Variants in RARB observed in about 807,000 individuals in gnomAD.
RARB encodes HBV-activated protein.
A neutral mutation model predicts 51.9 loss-of-function variants in RARB; 17 were observed. That is an observed-to-expected ratio of 0.33 (90% CI 0.22 to 0.49). The LOEUF (loss-of-function observed/expected upper bound fraction) is 0.49, where lower values mean the gene tolerates loss of function less well. Among genes scored for constraint, RARB ranks in the 20% least tolerant of loss-of-function variants. RARB has a pLI of 0.99. For missense variants in RARB, 369 were observed against 550.8 expected (o/e 0.67, Z 3.30); for synonymous variants, 215 against 195.4 (o/e 1.10, Z -0.84).
chr3:25,105,922 A>T (rs1413888440), intron 3 of RARB, among the ~76,000 whole-genome samples: 1 of 152,176 alleles, frequency 6.6e-6, no homozygotes, highest in Non-Finnish European at 1.5e-5. Context: ...ATGTAATCTA[A>T]ATGCAACCTC....
chr3:25,104,400 T>TG (rs2125322504), intron 3 of RARB, among the ~76,000 whole-genome samples: 1 of 151,868 alleles, frequency 6.6e-6, no homozygotes, highest in South Asian at 2.1e-4. Flanking sequence ...GGGATGGGGG[T>TG]GGAGGGAGAG....
At chr3:25,314,242 T>G (rs1055687204) in intron 5 of RARB, among the ~76,000 whole-genome samples, 1 of 151,762 alleles carries the variant, frequency 6.6e-6, no homozygotes, top group Admixed American at 6.6e-5. Context: ...TTCCTAGAAT[T>G]TTTAGCTTCA....
At chr3:25,256,903 C>T (rs1702880070) in intron 5 of RARB, among the ~76,000 whole-genome samples, 1 of 152,010 alleles carries the variant, frequency 6.6e-6, no homozygotes, top group Admixed American at 6.6e-5. Context: ...TCTGTCTCAG[C>T]GTCTTCTCAT....
At chr3:25,161,506 A>T (rs1700472665) in intron 4 of RARB, among the ~76,000 whole-genome samples, 1 of 152,018 alleles carries the variant, frequency 6.6e-6, no homozygotes, top group Admixed American at 6.6e-5. Context: ...ATGTCCTTTT[A>T]ATGTTAATGT....
At chr3:25,146,302 G>C (rs567664738) in intron 4 of RARB, among the ~76,000 whole-genome samples, 30 of 152,248 alleles carry the variant, frequency 2.0e-4, no homozygotes, top group Non-Finnish European at 3.8e-4. Context: ...GAATGGGCCA[G>C]ATAGTAAATA....
At chr3:25,242,198 G>T (rs1702449047) in intron 5 of RARB, among the ~76,000 whole-genome samples, 2 of 152,028 alleles carry the variant, frequency 1.3e-5, no homozygotes, top group Non-Finnish European at 2.9e-5. Flanking sequence ...GTAGATTCTG[G>T]ATATTAGCCC....
At chr3:25,321,087 T>G (rs1392479539) in intron 5 of RARB, among the ~76,000 whole-genome samples, 2 of 152,222 alleles carry the variant, frequency 1.3e-5, no homozygotes, top group African/African-American at 4.8e-5. Flanking sequence ...TGGAACTCTG[T>G]GTTTAACAAG....
At chr3:25,508,569 A>T (rs946686607) in intron 3 of RARB, among the ~76,000 whole-genome samples, 1 of 152,210 alleles carries the variant, frequency 6.6e-6, no homozygotes, top group Non-Finnish European at 1.5e-5. Context: ...GGGAAATTAC[A>T]TAAAAATCAT....
intron 2 of RARB, among the ~76,000 whole-genome samples, chr3:24,983,364 A>ATATT (rs752247162): frequency 6.7e-4 from 101 of 150,420 alleles, no homozygotes; most frequent in Non-Finnish European, 1.0e-3. Flanking sequence ...AAGACTTTTT[A>ATATT]TATTTATTTA....
chr3:25,185,656 GC>G (rs1334807935), intron 5 of RARB, among the ~76,000 whole-genome samples: 1 of 152,038 alleles, frequency 6.6e-6, no homozygotes, highest in Non-Finnish European at 1.5e-5. Context: ...TTATTAGAAT[GC>G]CAAAACAGGA....
At chr3:25,498,890 GAT>G (rs531101853) in intron 2 of RARB, among the ~76,000 whole-genome samples, 207 of 152,312 alleles carry the variant, frequency 1.4e-3, no homozygotes, top group African/African-American at 4.5e-3. Context: ...TGTAGGGAAA[GAT>G]ATGTTTTTAG....
intron 2 of RARB, among the ~76,000 whole-genome samples, chr3:24,865,517 G>C (rs1380879701): frequency 1.3e-5 from 2 of 152,146 alleles, no homozygotes; most frequent in African/African-American, 4.8e-5. Flanking sequence ...CAGGAAGGCT[G>C]TGAAATCAGA....
intron 3 of RARB, among the ~76,000 whole-genome samples, chr3:25,123,134 T>C (rs17576085): frequency 0.13 from 19,882 of 152,220 alleles, 1,685 homozygotes; most frequent in Non-Finnish European, 0.2. Context: ...AACTGTTTTC[T>C]GCTGTCCAGG....
intron 2 of RARB, among the ~76,000 whole-genome samples, chr3:24,900,028 TTAAAA>T (rs1703567734): frequency 6.6e-6 from 1 of 152,164 alleles, no homozygotes; most frequent in Admixed American, 6.5e-5. Context: ...CCATAATAAA[TTAAAA>T]TAAAATTCAG....
At chr3:25,252,145 C>T (rs887338918) in intron 5 of RARB, among the ~76,000 whole-genome samples, 1 of 152,030 alleles carries the variant, frequency 6.6e-6, no homozygotes, top group African/African-American at 2.4e-5. Context: ...TTCTTGCCAC[C>T]CTTGTCAAAA....
intron 2 of RARB, among the ~76,000 whole-genome samples, chr3:25,000,575 G>A (rs187634540): frequency 1.3e-5 from 2 of 152,026 alleles, no homozygotes; most frequent in African/African-American, 4.8e-5. Context: ...TTTAAAATTG[G>A]TGACTGTAAT....
intron 5 of RARB, among the ~76,000 whole-genome samples, chr3:25,334,678 TAAA>T (rs371352217): frequency 1.5e-4 from 23 of 151,904 alleles, no homozygotes; most frequent in African/African-American, 5.3e-4. Flanking sequence ...TAAAGTGTAA[TAAA>T]AAAAGTAAAA....
intron 1 of RARB, among the ~76,000 whole-genome samples, chr3:25,431,017 T>TA (rs1212811922): frequency 7.2e-6 from 1 of 138,812 alleles, no homozygotes; most frequent in East Asian, 2.1e-4. Context: ...TTAGAGATTC[T>TA]AACAAATGTC....
chr3:25,596,923 C>G lies in RARB; in HGVS notation c.*307C>G. On this transcript the variant is annotated 3_prime_UTR_variant, in exon 8 of 8. Transcript: ENST00000330688. ...AAGACCCAGTCAAAATGATTTACCCCTGGTTAAGTTTCTGAAGACTTTGTA... is the reference window on the plus strand; with the variant it reads ...AAGACCCAGTCAAAATGATTTACCCGTGGTTAAGTTTCTGAAGACTTTGTA... The G allele has an allele frequency of 4.2e-6, 1 of 237,436 alleles. No homozygotes were observed. Among genetic ancestry groups the G allele is most frequent in the South Asian group, 1.3e-4 (1 of 7,864 alleles). 14.7% of individuals were successfully genotyped at this position (237,436 alleles called of 1,614,324 possible).
Sources: allele counts gnomAD v4.1 joint callset (sites outside exome capture counted in the v4.1 genomes callset), GRCh38; gene constraint gnomAD v4.1.1; transcripts MANE v1.5; gene names NCBI Gene and HGNC (gene_info 2026-07-23, HGNC 2026-07-21).